Variants in CACNB2 observed in about 807,000 individuals in gnomAD.
The protein encoded by CACNB2 is voltage-dependent L-type calcium channel subunit beta-2.
A neutral mutation model predicts 73.3 loss-of-function variants in CACNB2; 42 were observed. The ratio of observed to expected loss-of-function variants is 0.57; its 90% confidence interval spans 0.45 to 0.74. The LOEUF (loss-of-function observed/expected upper bound fraction) is 0.74. CACNB2 is among the 30% of genes least tolerant of loss of function. The probability of loss-of-function intolerance (pLI) is 0.00; values close to 1 mark genes in which losing one functional copy is unlikely to be tolerated. For synonymous variants in CACNB2, 348 were observed against 310.3 expected, an observed-to-expected ratio of 1.12 and a Z score of -1.28; for missense variants, 940 against 853.0, an observed-to-expected ratio of 1.10 and a Z score of -1.27.
intron 3 of CACNB2, among the ~76,000 whole-genome samples, chr10:18,492,070 G>A (rs907559854): frequency 6.6e-6 from 1 of 152,156 alleles, no homozygotes; most frequent in African/African-American, 2.4e-5. Flanking sequence ...CTAGGAAGGT[G>A]AAGGGAAAGC....
At chr10:18,305,228 C>A (rs1288381362) in intron 2 of CACNB2, among the ~76,000 whole-genome samples, 2 of 152,070 alleles carry the variant, frequency 1.3e-5, no homozygotes, top group Admixed American at 1.3e-4. Flanking sequence ...GAGGCTGAGA[C>A]AGAATTTGGA....
At chr10:18,189,193 T>A (rs2034288043) in intron 2 of CACNB2, among the ~76,000 whole-genome samples, 1 of 152,206 alleles carries the variant, frequency 6.6e-6, no homozygotes, top group East Asian at 1.9e-4. Context: ...CTTGGGCTTT[T>A]ACAGACTTCT....
At chr10:18,295,962 C>T (rs774469247) in intron 2 of CACNB2, among the ~76,000 whole-genome samples, 5 of 143,226 alleles carry the variant, frequency 3.5e-5, no homozygotes, top group Non-Finnish European at 6.0e-5. Context: ...GTAGATGTCT[C>T]TCTCCAGTTG....
intron 3 of CACNB2, among the ~76,000 whole-genome samples, chr10:18,447,867 G>C (rs901906128): frequency 6.6e-6 from 1 of 152,078 alleles, no homozygotes; most frequent in Non-Finnish European, 1.5e-5. Flanking sequence ...TCAACACAGG[G>C]AAATTCTTTG....
intron 2 of CACNB2, among the ~76,000 whole-genome samples, chr10:18,387,968 A>G (rs7074171): frequency 0.63 from 96,051 of 151,894 alleles, 30,964 homozygotes; most frequent in East Asian, 0.87. Flanking sequence ...TGTTGTCCAC[A>G]TTGGTCTCAA....
chr10:18,474,516 A>G (rs1431954071), intron 3 of CACNB2, among the ~76,000 whole-genome samples: 5 of 152,172 alleles, frequency 3.3e-5, no homozygotes, highest in Non-Finnish European at 7.3e-5. Context: ...AAAGGTGGAG[A>G]TGCCAATTCC....
chr10:18,378,108 G>T (rs1279838663), intron 2 of CACNB2, among the ~76,000 whole-genome samples: 2 of 152,098 alleles, frequency 1.3e-5, no homozygotes, highest in Non-Finnish European at 2.9e-5. Context: ...TGGGGTGTGG[G>T]CCTGGAGGCT....
intron 2 of CACNB2, chr10:18,261,991 G>A (rs2037567957): frequency 1.9e-6 from 1 of 518,868 alleles, no homozygotes; most frequent in Non-Finnish European, 3.8e-6. Context: ...TAGCCGACCA[G>A]CTCCGAGCAA....
chr10:18,385,630 T>G, intron 2 of CACNB2, among the ~76,000 whole-genome samples: 1 of 128,288 alleles, frequency 7.8e-6, no homozygotes, highest in African/African-American at 3.0e-5. Context: ...GTGACAAGAG[T>G]GCAACTCCAT....
chr10:18,536,549 G>T (rs940269075), intron 12 of CACNB2, among the ~76,000 whole-genome samples: 1 of 151,790 alleles, frequency 6.6e-6, no homozygotes, highest in African/African-American at 2.4e-5. Context: ...AGCATGAGCT[G>T]CCATGCCTGG....
At chr10:18,266,449 C>T (rs990174847) in intron 2 of CACNB2, among the ~76,000 whole-genome samples, 1 of 151,642 alleles carries the variant, frequency 6.6e-6, no homozygotes, top group South Asian at 2.1e-4. Context: ...TCAATTATCA[C>T]TGGGCTAGAG....
intron 12 of CACNB2, 47 bp downstream of exon 12, chr10:18,536,243 C>CTTTTAT: frequency 3.6e-6 from 1 of 280,944 alleles, no homozygotes; most frequent in Non-Finnish European, 5.8e-6. Context: ...GAGATCAGAC[C>CTTTTAT]TTTTTTTTTT....
At chr10:18,349,652 T>C (rs1252772156) in intron 2 of CACNB2, among the ~76,000 whole-genome samples, 1 of 151,882 alleles carries the variant, frequency 6.6e-6, no homozygotes, top group Non-Finnish European at 1.5e-5. Flanking sequence ...AGAATGGTGG[T>C]TTCCAGGGGC....
chr10:18,240,811 C>T (rs2036620889), intron 2 of CACNB2, among the ~76,000 whole-genome samples: 1 of 152,068 alleles, frequency 6.6e-6, no homozygotes, highest in Admixed American at 6.6e-5. Context: ...TCCTGCCTGC[C>T]TACTCAAAGC....
chr10:18,249,412 G>A (rs1479358857), intron 2 of CACNB2, among the ~76,000 whole-genome samples: 1 of 151,984 alleles, frequency 6.6e-6, no homozygotes, highest in African/African-American at 2.4e-5. Flanking sequence ...TCTTATTCCT[G>A]CATCTCTTTG....
chr10:18,213,351 A>G (rs2035393305), intron 2 of CACNB2, among the ~76,000 whole-genome samples: 1 of 152,182 alleles, frequency 6.6e-6, no homozygotes, highest in Admixed American at 6.5e-5. Context: ...TTTTAAGAGT[A>G]TGTGGAATAG....
At chr10:18,365,928 G>A (rs750745006) in intron 2 of CACNB2, among the ~76,000 whole-genome samples, 1 of 152,078 alleles carries the variant, frequency 6.6e-6, no homozygotes, top group Non-Finnish European at 1.5e-5. Flanking sequence ...GCCTGTGGAG[G>A]GTAGGAATTC....
intron 2 of CACNB2, among the ~76,000 whole-genome samples, chr10:18,344,826 A>G (rs1053277956): frequency 2.0e-5 from 3 of 152,248 alleles, no homozygotes; most frequent in African/African-American, 7.2e-5. Flanking sequence ...ATGTGGGTGT[A>G]GGAATACCCC....
chr10:18,383,312 G>A (rs762819693), intron 2 of CACNB2, among the ~76,000 whole-genome samples: 7 of 152,176 alleles, frequency 4.6e-5, no homozygotes, highest in South Asian at 2.1e-4. Context: ...GGAATGAAAC[G>A]ATCTGCTGTA....
Sources: gnomAD v4.1 joint callset for allele counts (sites outside exome capture counted in the v4.1 genomes callset) on GRCh38, gnomAD v4.1.1 for gene constraint, MANE v1.5 for transcripts, NCBI Gene and HGNC (gene_info 2026-07-23, HGNC 2026-07-21) for gene names.